Variants in ITGBL1 observed in about 807,000 individuals in gnomAD.
The protein encoded by ITGBL1 is integrin subunit beta like 1.
A neutral mutation model predicts 68.5 loss-of-function variants in ITGBL1; 51 were observed. The observed-to-expected ratio is 0.74, with a 90% CI of 0.59 to 0.94. The LOEUF is 0.94. Among genes scored for constraint, ITGBL1 ranks in the 40% least tolerant of loss-of-function variants. The pLI is 0.00. For synonymous variants in ITGBL1, 209 were observed against 227.3 expected, an observed-to-expected ratio of 0.92 and a Z score of 0.72; for missense variants, 649 against 647.4, an observed-to-expected ratio of 1.00 and a Z score of -0.03.
intron 5 of ITGBL1, among the ~76,000 whole-genome samples, chr13:101,581,360 AAGTAG>A (rs1457652489): frequency 6.6e-6 from 1 of 152,138 alleles, no homozygotes; most frequent in African/African-American, 2.4e-5. Context: ...CTAGATAATA[AAGTAG>A]AGTACACAGA....
At chr13:101,714,111 A>T (rs907138179) in intron 9 of ITGBL1, 2 of 215,592 alleles carry the variant, frequency 9.3e-6, no homozygotes, top group African/African-American at 4.5e-5. Flanking sequence ...TTAGGAGGAA[A>T]AAATCTATTT....
At chr13:101,605,060 GTA>G (rs2030672433) in intron 7 of ITGBL1, among the ~76,000 whole-genome samples, 1 of 142,642 alleles carries the variant, frequency 7.0e-6, no homozygotes, top group Non-Finnish European at 1.5e-5. Context: ...GTGTATATGT[GTA>G]TATGTGTATA....
At chr13:101,700,061 G>C (rs978493709) in intron 8 of ITGBL1, among the ~76,000 whole-genome samples, 1 of 152,032 alleles carries the variant, frequency 6.6e-6, no homozygotes, top group African/African-American at 2.4e-5. Context: ...TCACTTCTAG[G>C]GCTTTAAGTG....
At chr13:101,704,236 G>T (rs2034201915) in intron 8 of ITGBL1, among the ~76,000 whole-genome samples, 1 of 152,010 alleles carries the variant, frequency 6.6e-6, no homozygotes, top group African/African-American at 2.4e-5. Context: ...GTTCCACCAG[G>T]GTCTATGGGT....
chr13:101,535,323 T>A (rs978333827), intron 2 of ITGBL1, among the ~76,000 whole-genome samples: 1 of 152,076 alleles, frequency 6.6e-6, no homozygotes, highest in Non-Finnish European at 1.5e-5. Context: ...CATTACCTTT[T>A]GATGAGGCTT....
chr13:101,704,247 C>T lies in ITGBL1; in HGVS notation c.1133-2509C>T, dbSNP rs942815173. ...CGTTGTTCCACCAGGGTCTATGGGTCGGACCCTGCCTATGTAGCTCTGGAG... is the reference window on the plus strand; with the variant it reads ...CGTTGTTCCACCAGGGTCTATGGGTTGGACCCTGCCTATGTAGCTCTGGAG... On this transcript the variant is annotated intron_variant, in intron 8 of 10. Transcript: ENST00000376180. Among the ~76,000 whole-genome samples the T allele has an allele frequency of 5.3e-5, 8 of 152,060 alleles. No individual in the cohort carries two copies. In the East Asian group the frequency reaches 5.8e-4, roughly 11 times the overall value.
chr13:101,683,980 G>A (rs2033699620), intron 7 of ITGBL1, among the ~76,000 whole-genome samples: 1 of 152,062 alleles, frequency 6.6e-6, no homozygotes, highest in East Asian at 1.9e-4. Flanking sequence ...TGTCAGATAT[G>A]TGTGTCACTG....
intron 7 of ITGBL1, among the ~76,000 whole-genome samples, chr13:101,689,026 T>C (rs1241099410): frequency 7.9e-6 from 1 of 126,956 alleles, no homozygotes; most frequent in Non-Finnish European, 1.7e-5. Flanking sequence ...GGTGTAATCC[T>C]GTCTCTACTA....
At chr13:101,456,467 A>G (rs1337918903) in intron 2 of ITGBL1, among the ~76,000 whole-genome samples, 2 of 152,222 alleles carry the variant, frequency 1.3e-5, no homozygotes, top group Non-Finnish European at 2.9e-5. Flanking sequence ...GAAATATAGC[A>G]GGTTTCCTAT....
chr13:101,560,206 A>G (rs544723409), intron 2 of ITGBL1, among the ~76,000 whole-genome samples: 1 of 152,328 alleles, frequency 6.6e-6, no homozygotes, highest in East Asian at 1.9e-4. Context: ...GAGAAGGCTT[A>G]GGAATCTATG....
At chr13:101,528,147 T>C (rs2049411292) in intron 2 of ITGBL1, among the ~76,000 whole-genome samples, 1 of 151,448 alleles carries the variant, frequency 6.6e-6, no homozygotes, top group Non-Finnish European at 1.5e-5. Flanking sequence ...TAAAAATATA[T>C]ATAGGTTTAT....
chr13:101,475,895 C>G (rs970719334), intron 2 of ITGBL1, among the ~76,000 whole-genome samples: 2 of 152,072 alleles, frequency 1.3e-5, no homozygotes, highest in Non-Finnish European at 2.9e-5. Context: ...AAAACTTTCC[C>G]AGATAAACAA....
At chr13:101,579,219 A>T (rs1358716118) in intron 4 of ITGBL1, 68 bp from the exon 5 acceptor site, 6 of 1,548,990 alleles carry the variant, frequency 3.9e-6, no homozygotes, top group Non-Finnish European at 5.3e-6. Context: ...TCACAAAGAG[A>T]TAGAAAGTTA....
chr13:101,557,449 A>T (rs1325601367), intron 2 of ITGBL1, among the ~76,000 whole-genome samples: 1 of 152,214 alleles, frequency 6.6e-6, no homozygotes, highest in African/African-American at 2.4e-5. Context: ...TGTATTAAAA[A>T]TGGTCAAGTT....
chr13:101,544,049 A>G (rs1433323088), intron 2 of ITGBL1, among the ~76,000 whole-genome samples: 1 of 152,136 alleles, frequency 6.6e-6, no homozygotes, highest in Non-Finnish European at 1.5e-5. Flanking sequence ...TTCTTCTCTC[A>G]ACTCATCAAA....
intron 2 of ITGBL1, among the ~76,000 whole-genome samples, chr13:101,525,832 A>C (rs568209306): frequency 4.2e-4 from 64 of 152,170 alleles, no homozygotes; most frequent in African/African-American, 1.5e-3. Context: ...TAAGCATTTA[A>C]ATATATATGC....
At chr13:101,710,152 G>C (rs1436268) in intron 9 of ITGBL1, among the ~76,000 whole-genome samples, 113,791 of 152,148 alleles carry the variant, frequency 0.75, 42,866 homozygotes, top group East Asian at 0.96. Flanking sequence ...GCATATTTGT[G>C]TAAACTATTT....
At chr13:101,598,915 T>C (rs1388127545) in intron 7 of ITGBL1, among the ~76,000 whole-genome samples, 3 of 152,156 alleles carry the variant, frequency 2.0e-5, no homozygotes, top group African/African-American at 4.8e-5. Context: ...TGTGTCTTTA[T>C]AGCAGCATGA....
chr13:101,470,427 T>TCCAGTGATTCTCCTG (rs1002748729), intron 2 of ITGBL1, among the ~76,000 whole-genome samples: 1 of 152,120 alleles, frequency 6.6e-6, no homozygotes, highest in Non-Finnish European at 1.5e-5. Flanking sequence ...CCTCCTGGGT[T>TCCAGTGATTCTCCTG]CCAGTGATTC....
Sources: gnomAD v4.1 joint callset for allele counts (sites outside exome capture counted in the v4.1 genomes callset) on GRCh38, gnomAD v4.1.1 for gene constraint, MANE v1.5 for transcripts, NCBI Gene and HGNC (gene_info 2026-07-23, HGNC 2026-07-21) for gene names.